Variants in PAX8 observed in about 807,000 individuals in gnomAD.
PAX8 encodes the protein paired box protein Pax-8.
Under a neutral mutation model 52.4 loss-of-function variants are expected in PAX8, and 15 were observed. The observed-to-expected ratio is 0.29, with a 90% confidence interval of 0.19 to 0.44. The LOEUF (loss-of-function observed/expected upper bound fraction) is 0.44, where lower values mean the gene tolerates loss of function less well. Ranked by LOEUF, PAX8 falls within the 20% of genes least tolerant of loss-of-function variation. The pLI, the probability that PAX8 is intolerant of heterozygous loss-of-function variation, is 1.00. For synonymous variants in PAX8, 284 were observed against 249.7 expected, an observed-to-expected ratio of 1.14 and a Z score of -1.29; for missense variants, 554 against 602.5, an observed-to-expected ratio of 0.92 and a Z score of 0.84.
intron 7 of PAX8, chr2:113,241,089 C>T: frequency 3.4e-6 from 1 of 295,038 alleles, no homozygotes; most frequent in Non-Finnish European, 6.6e-6. Flanking sequence ...ACACAGTGTG[C>T]AAGGGCAGAG....
At chr2:113,263,045 A>G (rs756770705) in intron 2 of PAX8, among the ~76,000 whole-genome samples, 2 of 152,212 alleles carry the variant, frequency 1.3e-5, no homozygotes, top group Admixed American at 6.5e-5. Context: ...CTGCTCTCCT[A>G]GGGTAACTGG....
chr2:113,243,271 A>T (rs1000299314), intron 4 of PAX8, among the ~76,000 whole-genome samples: 1 of 152,242 alleles, frequency 6.6e-6, no homozygotes, highest in African/African-American at 2.4e-5. Context: ...CCATTGCTTT[A>T]TGACCAAAGG....
Position 113,241,588 on chromosome 2 carries a change from T to C in PAX8, c.740A>G (p.Glu247Gly), listed in dbSNP as rs1263043493. 6.2e-7 allele frequency: 1 copy of C among 1,611,710 alleles called. No individual in the cohort carries two copies. Among genetic ancestry groups the C allele is most frequent in the Non-Finnish European group, 8.5e-7 (1 of 1,179,604 alleles). The part of the protein sequence containing the change: ...ECPFERQHYP[E>G]AYASPSHTKG... Reference sequence around the variant, plus strand: ...GGTGTGGCTGGGGGAGGCATAGGCCTCTGGGTAGTGCTGCCGCTCAAATGG... The same window carrying C: ...GGTGTGGCTGGGGGAGGCATAGGCCCCTGGGTAGTGCTGCCGCTCAAATGG... Residue 247 changes from glutamate (E) to glycine (G), a missense_variant, in exon 7 of 12, where the codon GAG becomes GGG. Around this residue, in one of 2 missense-constraint regions of PAX8, gnomAD observed 445 missense variants for 409.9 expected, o/e 1.09. Transcript: ENST00000429538.
chr2:113,236,660 G>T lies in PAX8; in HGVS notation c.839C>A (p.Pro280His). Reference protein sequence around the residue: ...TLDDGKATLTPSNTPLGRNLS... With the variant: ...TLDDGKATLTHSNTPLGRNLS... ...GTTGCGCCCCAGTGGCGTGTTGGAA[G>T]GGGTCAGGGTGGCCTTCCCGTCGTC... Residue 280 changes from proline (P) to histidine (H), a missense_variant, in exon 8 of 12, where the codon CCT (proline) becomes CAT (histidine). By Grantham distance (77) the Pro-to-His change is moderately conservative (BLOSUM62 -2). This residue lies in a region of PAX8 where 445 missense variants were observed against 409.9 expected (regional missense o/e 1.09). Coordinates refer to ENST00000429538, the MANE Select transcript of PAX8 (RefSeq NM_003466.4). 1 of 1,595,474 alleles carries T rather than the reference G, an allele frequency of 6.3e-7. No homozygotes were observed. Among genetic ancestry groups the T allele is most frequent in the Non-Finnish European group, 8.5e-7 (1 of 1,171,488 alleles).
At chr2:113,242,195 CTG>C (rs1358654018) in intron 5 of PAX8, 65 bp from the exon 6 acceptor site, 33 of 1,454,178 alleles carry the variant, frequency 2.3e-5, no homozygotes, top group Middle Eastern at 2.2e-4. Flanking sequence ...CTGGGTGACT[CTG>C]GGGTAGTTAC....
Position 113,235,572 on chromosome 2 carries a change from T to C in PAX8, c.909A>G (p.Ser303=), listed in dbSNP as rs534968339. 3 of 1,609,418 alleles carry C rather than the reference T, an allele frequency of 1.9e-6. No individual in the cohort carries two copies. Among genetic ancestry groups the C allele is most frequent in the East Asian group, 2.2e-5 (1 of 44,676 alleles). The change falls in exon 9 of 12, where the codon TCA becomes TCG. Residue 303 remains serine (S), a synonymous_variant. Coordinates refer to ENST00000429538, the MANE Select transcript of PAX8 (RefSeq NM_003466.4). ...GGGTTTCCTGCTTTATGGCGAAGGG[T>C]GAGTGAGGATCTGCCGGAGGGAGGG... ...QTYPVVADPH[S]PFAIKQETPE...
intron 2 of PAX8, among the ~76,000 whole-genome samples, chr2:113,258,218 CAGAG>C (rs1692404196): frequency 2.0e-5 from 3 of 152,214 alleles, no homozygotes; most frequent in Admixed American, 1.3e-4. Context: ...TTTCTCCAGT[CAGAG>C]AGGGCACCTA....
rs745970966 is a variant in PAX8 at position 113,241,544 on chromosome 2, T to C, written c.777+7A>G. 8.1e-6 allele frequency: 13 copies of C among 1,603,800 alleles called. No homozygotes were observed. The highest frequency in any genetic ancestry group is 1.1e-5 in the Non-Finnish European group (13 of 1,175,840). Reference sequence around the variant, plus strand: ...CCCTGTTCACCTCCCAGGGCCCAGCTTCTCACCTGCTCGCCTTTGGTGTGG... The same window carrying C: ...CCCTGTTCACCTCCCAGGGCCCAGCCTCTCACCTGCTCGCCTTTGGTGTGG... On this transcript the variant is annotated splice_region_variant and intron_variant, in intron 7 of 11. Coordinates refer to ENST00000429538, the MANE Select transcript of PAX8 (RefSeq NM_003466.4).
chr2:113,234,010 C>T (rs1402949322), intron 9 of PAX8, among the ~76,000 whole-genome samples: 3 of 152,200 alleles, frequency 2.0e-5, no homozygotes, highest in Non-Finnish European at 2.9e-5. Flanking sequence ...TCAAGGTCGT[C>T]GGGGTAGGAG....
chr2:113,278,477 A>C lies in PAX8; in HGVS notation c.-75-8T>G. On this transcript the variant is annotated splice_polypyrimidine_tract_variant and splice_region_variant and intron_variant, in intron 1 of 11. Coordinates refer to ENST00000429538, the MANE Select transcript of PAX8 (RefSeq NM_003466.4). ...GCCGCGCCTGCCGCTGCCCTGCACAAACCCAGGAGAAGGGCATGAGATGCG... is the reference window on the plus strand; with the variant it reads ...GCCGCGCCTGCCGCTGCCCTGCACACACCCAGGAGAAGGGCATGAGATGCG... The C allele has an allele frequency of 6.3e-7, 1 of 1,593,258 alleles. No homozygotes were observed. Among genetic ancestry groups the C allele is most frequent in the Non-Finnish European group, 8.5e-7 (1 of 1,169,718 alleles).
At chr2:113,261,822 G>GT (rs777210195) in intron 2 of PAX8, among the ~76,000 whole-genome samples, 604 of 143,834 alleles carry the variant, frequency 4.2e-3, no homozygotes, top group Middle Eastern at 7.2e-3. Flanking sequence ...AAGATTTTAG[G>GT]TTTTTTTTTT....
intron 2 of PAX8, chr2:113,275,200 T>C (rs1018248887): frequency 2.0e-5 from 3 of 152,164 alleles, no homozygotes; most frequent in Non-Finnish European, 4.4e-5. Context: ...TTACTTCTTA[T>C]CAATCAGTGG....
intron 3 of PAX8, among the ~76,000 whole-genome samples, chr2:113,244,846 G>T (rs1038903081): frequency 1.3e-5 from 2 of 152,030 alleles, no homozygotes; most frequent in African/African-American, 2.4e-5. Context: ...TCTGCTAAAG[G>T]CCTCACCTTG....
Position 113,218,604 on chromosome 2 carries a change from G to A in PAX8, c.1282C>T (p.Pro428Ser). Residue 428 changes from proline to serine, a missense_variant, in exon 12 of 12, where the codon CCA becomes TCA. Pro to Ser is a moderately conservative substitution (Grantham distance 74). Coordinates refer to ENST00000429538, the MANE Select transcript of PAX8 (RefSeq NM_003466.4). Reference sequence around the variant, plus strand: ...CTTGATGTGGAACTGTAATAATATGGGGAACCTGGACACATTAAAAAAAAA... The same window carrying A: ...CTTGATGTGGAACTGTAATAATATGAGGAACCTGGACACATTAAAAAAAAA... ...RFPNSSLLSS[P>S]YYYSSTSRPS... 6.4e-7 allele frequency: 1 copy of A among 1,554,466 alleles called. No homozygotes were observed. Among genetic ancestry groups the A allele is most frequent in the Middle Eastern group, 1.7e-4 (1 of 5,982 alleles).
rs749912023 is a variant in PAX8, at chr2:113,236,667, G to C, written c.832C>G (p.Leu278Val). 1.9e-5 allele frequency: 30 copies of C among 1,594,090 alleles called. No homozygotes were observed. The highest frequency in any genetic ancestry group is 9.1e-5 in the South Asian group (8 of 87,452). Reference protein sequence around the residue: ...NSTLDDGKATLTPSNTPLGRN... With the variant: ...NSTLDDGKATVTPSNTPLGRN... ...CCCAGTGGCGTGTTGGAAGGGGTCA[G>C]GGTGGCCTTCCCGTCGTCCAGGGTG... The change falls in exon 8 of 12, where the codon CTG becomes GTG. Residue 278 changes from leucine (L) to valine (V), a missense_variant. Leu to Val is a conservative substitution (Grantham distance 32, BLOSUM62 1). Coordinates refer to ENST00000429538, the MANE Select transcript of PAX8 (RefSeq NM_003466.4).
intron 11 of PAX8, 56 bp downstream of exon 11, chr2:113,220,036 C>T: frequency 7.5e-7 from 1 of 1,329,184 alleles, no homozygotes; most frequent in East Asian, 2.5e-5. Context: ...CACCCTTGCC[C>T]CCCACCACTC....
Position 113,278,885 on chromosome 2 carries a change from G to A in PAX8, c.-130C>T, listed in dbSNP as rs1558769606. The A allele has an allele frequency of 3.8e-6, 4 of 1,055,924 alleles. No individual in the cohort carries two copies. Among genetic ancestry groups the A allele is most frequent in the Non-Finnish European group, 4.6e-6 (4 of 872,432 alleles). The allele number at this position is 1,055,924 out of a possible 1,614,324, so 65.4% of individuals were successfully genotyped here. The stretch of plus-strand genomic sequence containing the variant: ...TTGGGTCCGCCCGCGAGGGTGCCCT[G>A]GGCCCGGTGTCTCTCCTCCTTCTGA... On this transcript the variant is annotated 5_prime_UTR_variant, in exon 1 of 12. Coordinates refer to ENST00000429538, the MANE Select transcript of PAX8 (RefSeq NM_003466.4).
chr2:113,234,025 T>C (rs1342309489), intron 9 of PAX8, among the ~76,000 whole-genome samples: 1 of 152,150 alleles, frequency 6.6e-6, no homozygotes, highest in Admixed American at 6.5e-5. Flanking sequence ...TAGGAGGGTG[T>C]GGGAGGTGAA....
At chr2:113,241,779 T>C (rs755109455) in intron 6 of PAX8, 53 bp from the exon 7 acceptor site, 5 of 1,594,806 alleles carry the variant, frequency 3.1e-6, no homozygotes, top group Non-Finnish European at 4.3e-6. Flanking sequence ...CTATTCATGC[T>C]CTAGGCCAAA....
Sources: gnomAD v4.1 joint callset for allele counts (sites outside exome capture counted in the v4.1 genomes callset) on GRCh38, gnomAD v4.1.1 for gene constraint, gnomAD v4.1.1 regional missense constraint, MANE v1.5 for transcripts, NCBI Gene and HGNC (gene_info 2026-07-23, HGNC 2026-07-21) for gene names.